The following RIMKLB variants were observed in gnomAD, a reference collection of about 807,000 sequenced individuals.
The protein encoded by RIMKLB is beta-citrylglutamate synthase B.
Under a neutral mutation model 32.0 loss-of-function variants are expected in RIMKLB, and 7 were observed. That is an observed-to-expected ratio of 0.22 (90% CI 0.12 to 0.41). The LOEUF is 0.41. Among genes scored for constraint, RIMKLB ranks in the 10% least tolerant of loss-of-function variants. The pLI is 1.00. For missense variants in RIMKLB, 289 were observed against 498.7 expected (o/e 0.58, Z 4.00); for synonymous variants, 172 against 185.1 (o/e 0.93, Z 0.57).
chr12:8,696,996 T>C (rs1015352855), upstream of RIMKLB, among the ~76,000 whole-genome samples: 1 of 152,156 alleles, frequency 6.6e-6, no homozygotes, highest in Non-Finnish European at 1.5e-5. Context: ...TGTAATAGCG[T>C]AGTTGAACAT....
intron 5 of RIMKLB, among the ~76,000 whole-genome samples, chr12:8,771,772 T>C (rs1950419948): frequency 6.6e-6 from 1 of 152,224 alleles, no homozygotes; most frequent in South Asian, 2.1e-4. Context: ...ACTAAATTTC[T>C]TCCTTATACA....
chr12:8,695,427 A>G (rs1315406685), upstream of RIMKLB, among the ~76,000 whole-genome samples: 1 of 152,196 alleles, frequency 6.6e-6, no homozygotes, highest in Non-Finnish European at 1.5e-5. Context: ...TTGGGTTTCC[A>G]ATATGGAAAT....
chr12:8,693,563 A>C (rs768765536), upstream of RIMKLB, among the ~76,000 whole-genome samples: 9 of 151,660 alleles, frequency 5.9e-5, no homozygotes, highest in Non-Finnish European at 1.3e-4. Context: ...CGCCCAGCTA[A>C]TTTTTATATT....
exon 8 of RIMKLB, chr12:8,782,998 TGGA>T (rs1951189056): frequency 6.6e-6 from 1 of 152,212 alleles, no homozygotes. Context: ...CTTTTTCAAG[TGGA>T]GAATATGAAT....
At chr12:8,688,861 G>A (rs1450465440) in intron 1 of RIMKLB, among the ~76,000 whole-genome samples, 3 of 151,680 alleles carry the variant, frequency 2.0e-5, no homozygotes, top group Non-Finnish European at 4.4e-5. Context: ...CTGAGGTGGA[G>A]TCTCGCTCTG....
intron 5 of RIMKLB, among the ~76,000 whole-genome samples, chr12:8,765,015 C>G (rs1283063945): frequency 6.6e-6 from 1 of 150,854 alleles, no homozygotes; most frequent in East Asian, 1.9e-4. Flanking sequence ...TTGCCAAGTT[C>G]AATAGGGTTT....
chr12:8,700,153 A>G (rs2136676750), intron 1 of RIMKLB: 1 of 152,286 alleles, frequency 6.6e-6, no homozygotes, highest in Non-Finnish European at 1.5e-5. Flanking sequence ...TCCAGAGGGA[A>G]ATTACCAGTA....
chr12:8,685,652 TCTTA>T (rs1332809169), intron 1 of RIMKLB, among the ~76,000 whole-genome samples: 8 of 149,408 alleles, frequency 5.4e-5, no homozygotes, highest in East Asian at 2.0e-4. Context: ...CTCTTTCATT[TCTTA>T]CTTTTTTTTT....
At chr12:8,712,337 G>C (rs1361310680) in intron 1 of RIMKLB, among the ~76,000 whole-genome samples, 1 of 151,976 alleles carries the variant, frequency 6.6e-6, no homozygotes, top group Non-Finnish European at 1.5e-5. Context: ...ACTTGAACCC[G>C]GGAAGCGGAG....
chr12:8,764,179 T>C (rs1949761604), intron 5 of RIMKLB, among the ~76,000 whole-genome samples: 2 of 152,202 alleles, frequency 1.3e-5, no homozygotes, highest in East Asian at 1.9e-4. Flanking sequence ...GGAGTCCTTG[T>C]TGGGCCTCGG....
At chr12:8,767,781 A>G (rs1187255045) in intron 5 of RIMKLB, among the ~76,000 whole-genome samples, 1 of 152,170 alleles carries the variant, frequency 6.6e-6, no homozygotes, top group Non-Finnish European at 1.5e-5. Flanking sequence ...GTTTGTTAGA[A>G]AGCTCTTTCC....
the RIMKLB span, among the ~76,000 whole-genome samples, chr12:8,676,057 A>C: frequency 6.6e-6 from 1 of 151,996 alleles, no homozygotes; most frequent in Non-Finnish European, 1.5e-5. Flanking sequence ...TCAAGGTTTA[A>C]ATGTTTTGGG....
At chr12:8,769,410 G>A (rs766957097) in intron 5 of RIMKLB, among the ~76,000 whole-genome samples, 37 of 152,058 alleles carry the variant, frequency 2.4e-4, no homozygotes, top group African/African-American at 7.5e-4. Context: ...TTTATTTTGC[G>A]TGTTTTCTAT....
chr12:8,732,613 T>C (rs1354064300), intron 2 of RIMKLB, among the ~76,000 whole-genome samples: 3 of 152,204 alleles, frequency 2.0e-5, no homozygotes, highest in Admixed American at 6.5e-5. Context: ...TTAATAACTA[T>C]TGTATGCGTA....
chr12:8,726,927 C>T (rs1268535616), intron 2 of RIMKLB, among the ~76,000 whole-genome samples: 3 of 152,084 alleles, frequency 2.0e-5, no homozygotes, highest in African/African-American at 7.2e-5. Context: ...TTTAATTGAG[C>T]ATTTTAATTC....
chr12:8,701,887 C>T (rs1243881024), intron 1 of RIMKLB, among the ~76,000 whole-genome samples: 1 of 151,204 alleles, frequency 6.6e-6, no homozygotes, highest in Non-Finnish European at 1.5e-5. Context: ...CGTCTGTAAT[C>T]TCAGCTACTC....
At chr12:8,777,512 A>G (rs142941591), downstream of RIMKLB, 2 of 1,150,566 alleles carry the variant, frequency 1.7e-6, no homozygotes, top group African/African-American at 3.3e-5. Flanking sequence ...GCCTTTGAAG[A>G]TCCTTAATGT....
At chr12:8,753,769 T>G in intron 4 of RIMKLB, 121 bp from the exon 5 acceptor site, 1 of 765,640 alleles carries the variant, frequency 1.3e-6, no homozygotes, top group Non-Finnish European at 2.1e-6. Context: ...CAAAGAAAAC[T>G]TAAAAAAAAA....
In RIMKLB at chr12:8,722,108, C is replaced by T. The variant is rs757650842; in HGVS notation, c.175+8067C>T. Among the ~76,000 whole-genome samples the T allele has an allele frequency of 1.4e-4, 22 of 151,808 alleles. 1 individual carries two copies. In the East Asian group the frequency reaches 3.1e-3, roughly 21 times the overall value. ...TTCAGAACTTTTTCAGTTTACTTGC[C>T]GAGATCTTTTAGAGGAATCACTGTG... On this transcript the variant is annotated intron_variant, in intron 2 of 5. Transcript: ENST00000535829.
Sources: allele counts gnomAD v4.1 joint callset (sites outside exome capture counted in the v4.1 genomes callset), GRCh38; gene constraint gnomAD v4.1.1; transcripts MANE v1.5; gene names NCBI Gene and HGNC (gene_info 2026-07-23, HGNC 2026-07-21).